Variants in RIMS1 observed in about 807,000 individuals in gnomAD.
RIMS1 encodes the protein regulating synaptic membrane exocytosis protein 1.
In RIMS1, 83 loss-of-function variants were observed where a neutral mutation model predicts 214.1. The ratio of observed to expected loss-of-function variants is 0.39; its 90% confidence interval spans 0.32 to 0.47. The LOEUF (loss-of-function observed/expected upper bound fraction) is 0.47. RIMS1 is among the 20% of genes least tolerant of loss of function. The pLI is 0.99. For missense variants in RIMS1, 2,050 were observed against 2,161.8 expected (o/e 0.95, Z 1.03); for synonymous variants, 793 against 786.8 (o/e 1.01, Z -0.13).
intron 1 of RIMS1, among the ~76,000 whole-genome samples, chr6:71,936,667 G>C (rs1414052126): frequency 1.3e-5 from 2 of 152,212 alleles, no homozygotes; most frequent in Non-Finnish European, 2.9e-5. Flanking sequence ...TGAGTTTAGA[G>C]AATGATCTGG....
rs536133243 is a variant in RIMS1 at position 72,130,851 on chromosome 6, G to T, written c.471+30865G>T. 9.2e-5 allele frequency among the ~76,000 whole-genome samples: 14 copies of T among 152,110 alleles called. No homozygotes were observed. In the South Asian group the frequency reaches 2.9e-3, roughly 32 times the overall value. On this transcript the variant is annotated intron_variant, in intron 4 of 33. Coordinates refer to ENST00000521978, the MANE Select transcript of RIMS1 (RefSeq NM_014989.7). ...ATAAGCCCATAGTAAGAGATACAAA[G>T]GCCAGGCATTTCTTTGCAAAAATAA... is the stretch of plus-strand genomic sequence containing the variant.
intron 28 of RIMS1, among the ~76,000 whole-genome samples, chr6:72,331,441 G>C (rs527438634): frequency 6.6e-6 from 1 of 151,942 alleles, no homozygotes; most frequent in East Asian, 1.9e-4. Flanking sequence ...TGCTTTCTCT[G>C]TTGTAGGCAT....
chr6:72,216,547 C>T, intron 6 of RIMS1: 2 of 985,450 alleles, frequency 2.0e-6, no homozygotes, highest in Non-Finnish European at 2.4e-6. Context: ...AGTAAGATTC[C>T]TCAGTTAGGG....
intron 28 of RIMS1, among the ~76,000 whole-genome samples, chr6:72,324,304 G>A (rs1452594442): frequency 2.6e-5 from 4 of 151,948 alleles, no homozygotes; most frequent in East Asian, 3.9e-4. Flanking sequence ...GGGAGTAAAT[G>A]GAAGTAAGTT....
intron 3 of RIMS1, 75 bp downstream of exon 3, chr6:72,097,237 G>C: frequency 7.9e-7 from 1 of 1,273,142 alleles, no homozygotes; most frequent in East Asian, 2.3e-5. Context: ...ATGAGAACAC[G>C]TGCATCTTAG....
At chr6:72,196,253 T>C (rs891566094) in intron 6 of RIMS1, among the ~76,000 whole-genome samples, 9 of 152,122 alleles carry the variant, frequency 5.9e-5, no homozygotes, top group African/African-American at 1.9e-4. Flanking sequence ...TAATAATTTA[T>C]TTAATAAATA....
intron 24 of RIMS1, among the ~76,000 whole-genome samples, chr6:72,287,181 C>T (rs2092486241): frequency 6.6e-6 from 1 of 152,116 alleles, no homozygotes; most frequent in African/African-American, 2.4e-5. Flanking sequence ...ATTTGGACTA[C>T]TATTTAGAAT....
intron 8 of RIMS1, among the ~76,000 whole-genome samples, chr6:72,237,284 A>T (rs1336985111): frequency 1.3e-5 from 2 of 151,926 alleles, no homozygotes; most frequent in Non-Finnish European, 2.9e-5. Flanking sequence ...GAAAGAAAAG[A>T]GAAAGAAAGA....
chr6:72,142,979 G>A (rs1435746656), intron 4 of RIMS1, among the ~76,000 whole-genome samples: 1 of 152,080 alleles, frequency 6.6e-6, no homozygotes, highest in African/African-American at 2.4e-5. Context: ...GTTTTATTAA[G>A]CAGGCTATTT....
intron 4 of RIMS1, among the ~76,000 whole-genome samples, chr6:72,104,466 G>A (rs1439984952): frequency 6.6e-6 from 1 of 152,180 alleles, no homozygotes; most frequent in Non-Finnish European, 1.5e-5. Flanking sequence ...TGGACAGGGA[G>A]CTCCTGACCA....
intron 2 of RIMS1, among the ~76,000 whole-genome samples, chr6:71,995,422 G>A (rs1000677092): frequency 1.0e-4 from 15 of 149,694 alleles, no homozygotes; most frequent in African/African-American, 3.2e-4. Context: ...TCTGTCTCTG[G>A]TTTCTGATTA....
intron 2 of RIMS1, among the ~76,000 whole-genome samples, chr6:72,064,925 G>GT (rs1360324025): frequency 1.1e-4 from 16 of 152,158 alleles, no homozygotes; most frequent in African/African-American, 3.9e-4. Context: ...TGCGTTTGCT[G>GT]TAACAGGCGT....
intron 4 of RIMS1, among the ~76,000 whole-genome samples, chr6:72,129,893 T>C (rs1330549261): frequency 1.3e-5 from 2 of 152,254 alleles, no homozygotes; most frequent in South Asian, 2.1e-4. Context: ...AGTGCAAAAC[T>C]AGATCATTTG....
At chr6:72,392,540 G>C (rs115228540) in intron 30 of RIMS1, among the ~76,000 whole-genome samples, 158 bp from the exon 31 acceptor site, 267 of 152,200 alleles carry the variant, frequency 1.8e-3, no homozygotes, top group African/African-American at 6.1e-3. Flanking sequence ...AGCCTCATAT[G>C]CTTGGCTCAA....
At chr6:72,183,201 G>A (rs2048591076) in intron 6 of RIMS1, 52 bp downstream of exon 6, 4 of 1,552,858 alleles carry the variant, frequency 2.6e-6, no homozygotes, top group Admixed American at 1.9e-5. Flanking sequence ...GAAGAGGCGT[G>A]GGCAGAGGTG....
chr6:72,255,736 C>G (rs2075532580), intron 16 of RIMS1, among the ~76,000 whole-genome samples: 1 of 151,992 alleles, frequency 6.6e-6, no homozygotes. Flanking sequence ...ACTGGGATTA[C>G]CATAAAATAG....
chr6:72,064,823 T>G (rs1384911020), intron 2 of RIMS1, among the ~76,000 whole-genome samples: 2 of 152,220 alleles, frequency 1.3e-5, no homozygotes, highest in Non-Finnish European at 2.9e-5. Context: ...TGAAAGAAAG[T>G]TAAAATGATG....
rs187849374 is a variant in RIMS1 at position 72,084,121 on chromosome 6, T to C, written c.246-12828T>C. ...GCTTGCTCATATGTGTAGACACCACTGTCTTCTAAATTGCCAACACATGGA... is the reference window on the plus strand; with the variant it reads ...GCTTGCTCATATGTGTAGACACCACCGTCTTCTAAATTGCCAACACATGGA... On this transcript the variant is annotated intron_variant, in intron 2 of 33. Coordinates refer to ENST00000521978, the MANE Select transcript of RIMS1 (RefSeq NM_014989.7). 1.7e-3 allele frequency among the ~76,000 whole-genome samples: 259 copies of C among 152,280 alleles called. 1 individual carries two copies. Among genetic ancestry groups the C allele is most frequent in the African/African-American group, 6.0e-3 (249 of 41,568 alleles).
At chr6:72,199,520 G>T (rs1388759723) in intron 6 of RIMS1, among the ~76,000 whole-genome samples, 1 of 151,868 alleles carries the variant, frequency 6.6e-6, no homozygotes, top group African/African-American at 2.4e-5. Flanking sequence ...CAACACAATT[G>T]AATATGAATA....
Sources: allele counts gnomAD v4.1 joint callset (sites outside exome capture counted in the v4.1 genomes callset), GRCh38; gene constraint gnomAD v4.1.1; transcripts MANE v1.5; gene names NCBI Gene and HGNC (gene_info 2026-07-23, HGNC 2026-07-21).